The following PIEZO2 variants were observed in gnomAD, a reference collection of about 807,000 sequenced individuals.
The protein encoded by PIEZO2 is piezo type mechanosensitive ion channel component 2.
In PIEZO2, 172 loss-of-function variants were observed where a neutral mutation model predicts 337.3. That is an observed-to-expected ratio of 0.51 (90% confidence interval 0.45 to 0.58). PIEZO2 has a LOEUF of 0.58. Ranked by LOEUF, PIEZO2 falls within the 20% of genes least tolerant of loss-of-function variation. PIEZO2 has a pLI of 0.00. For missense variants in PIEZO2, 3,028 were observed against 3,391.3 expected (o/e 0.89, Z 2.66); for synonymous variants, 1,251 against 1,228.5 (o/e 1.02, Z -0.38).
At chr18:10,796,241 G>T (rs1461223741) in intron 12 of PIEZO2, among the ~76,000 whole-genome samples, 1 of 151,920 alleles carries the variant, frequency 6.6e-6, no homozygotes, top group Non-Finnish European at 1.5e-5. Flanking sequence ...GTGGTGGCAG[G>T]CGCCTGTAGT....
At chr18:11,030,269 TTCC>T (rs2036682932) in intron 2 of PIEZO2, among the ~76,000 whole-genome samples, 1 of 152,226 alleles carries the variant, frequency 6.6e-6, no homozygotes, top group African/African-American at 2.4e-5. Context: ...GTGAAATTTA[TTCC>T]TCAATTATAA....
chr18:10,926,821 G>A (rs2031767784), intron 3 of PIEZO2, among the ~76,000 whole-genome samples: 1 of 152,156 alleles, frequency 6.6e-6, no homozygotes, highest in African/African-American at 2.4e-5. Flanking sequence ...ATTCTCAACA[G>A]CAAGGACTTA....
In PIEZO2 at chr18:10,677,713, A is replaced by C. The variant is rs775177717; in HGVS notation, c.8081+34T>G. The C allele has an allele frequency of 6.3e-7, 1 of 1,599,032 alleles. No individual in the cohort carries two copies. Among genetic ancestry groups the C allele is most frequent in the Admixed American group, 1.8e-5 (1 of 55,954 alleles). Reference sequence around the variant, plus strand: ...ATTTTGTACCAGCTGCATATACCTAACAAAGCTCTATTAGTAGGAAAAAAT... The same window carrying C: ...ATTTTGTACCAGCTGCATATACCTACCAAAGCTCTATTAGTAGGAAAAAAT... On this transcript the variant is annotated intron_variant, in intron 53 of 55. Transcript: ENST00000674853. This position sits in a 1 kb window ranked among gnomAD's most constrained non-coding sequence, Gnocchi z 4.1.
intron 18 of PIEZO2, among the ~76,000 whole-genome samples, chr18:10,774,398 T>C (rs1320864815): frequency 6.6e-6 from 1 of 152,222 alleles, no homozygotes; most frequent in Non-Finnish European, 1.5e-5. Context: ...CTTGAAAGAA[T>C]GTGTGCTTTC....
In PIEZO2 at chr18:10,879,642, G is replaced by A. The variant is rs562394536; in HGVS notation, c.330-8227C>T. Among the ~76,000 whole-genome samples the A allele has an allele frequency of 5.9e-5, 9 of 152,046 alleles. No individual in the cohort carries two copies. The South Asian group carries it at 6.2e-4, about 11-fold the overall frequency. The stretch of plus-strand genomic sequence containing the variant: ...GATCTCCTGACCTCATGATCTGCCC[G>A]CCTCGGCCTCCCAAAGTGCTGGGAT... On this transcript the variant is annotated intron_variant, in intron 4 of 55. Transcript: ENST00000674853.
chr18:10,838,898 A>G (rs1317195724), intron 7 of PIEZO2, among the ~76,000 whole-genome samples: 1 of 152,208 alleles, frequency 6.6e-6, no homozygotes, highest in Non-Finnish European at 1.5e-5. Flanking sequence ...CTCCCTATCA[A>G]GAAGCCCAAG....
In PIEZO2 at chr18:10,895,933, G is replaced by A. The variant is rs1267609257; in HGVS notation, c.329+15253C>T. On this transcript the variant is annotated intron_variant, in intron 4 of 55. Coordinates refer to ENST00000674853, the MANE Select transcript of PIEZO2 (RefSeq NM_001378183.1). The surrounding 1 kb of genome is among the most constrained non-coding windows in gnomAD (Gnocchi z 4.8). ...AAATTACCCGGGCGTGGTGGCGTGTGCCTGTAATCCCAGCTACTTGGGAGG... is the reference window on the plus strand; with the variant it reads ...AAATTACCCGGGCGTGGTGGCGTGTACCTGTAATCCCAGCTACTTGGGAGG... 6.6e-6 allele frequency among the ~76,000 whole-genome samples: 1 copy of A among 151,630 alleles called. No individual in the cohort carries two copies. The highest frequency in any genetic ancestry group is 1.9e-4 in the East Asian group (1 of 5,154).
chr18:10,948,271 A>C (rs1332582848), intron 3 of PIEZO2, among the ~76,000 whole-genome samples: 1 of 152,214 alleles, frequency 6.6e-6, no homozygotes, highest in Non-Finnish European at 1.5e-5. Flanking sequence ...ATAATCATGT[A>C]TGTGATTGAA....
At chr18:10,697,617 C>T (rs1235813095) in intron 45 of PIEZO2, 131 bp downstream of exon 45, 1 of 1,220,260 alleles carries the variant, frequency 8.2e-7, no homozygotes, top group Non-Finnish European at 1.1e-6. Flanking sequence ...GGGGTAATTT[C>T]ATTCTGCCTT....
chr18:10,731,857 C>A (rs534965245), intron 35 of PIEZO2, among the ~76,000 whole-genome samples: 7 of 152,246 alleles, frequency 4.6e-5, no homozygotes, highest in African/African-American at 1.7e-4. Flanking sequence ...AGCTGGAAGT[C>A]TCATTCAGTA....
At chr18:10,747,947 C>A (rs1004457613) in intron 30 of PIEZO2, among the ~76,000 whole-genome samples, 1 of 151,976 alleles carries the variant, frequency 6.6e-6, no homozygotes, top group African/African-American at 2.4e-5. Flanking sequence ...TCGACACCCA[C>A]CCCCACCTCA....
intron 17 of PIEZO2, 129 bp from the exon 18 acceptor site, chr18:10,780,495 C>A: frequency 1.6e-6 from 1 of 634,460 alleles, no homozygotes; most frequent in Non-Finnish European, 2.9e-6. Flanking sequence ...TGTAGCCACC[C>A]TCACAGGCTT....
rs1443476681 is a variant in PIEZO2, at chr18:11,001,695, T to C, written c.161-22035A>G. On this transcript the variant is annotated intron_variant, in intron 2 of 55. Transcript: ENST00000674853. The surrounding 1 kb of genome is among the most constrained non-coding windows in gnomAD (Gnocchi z 5.3). ...GAGTTCGAGACCAACCTGGCTAACATGGTAAAACCCTGTCTCTGCTAAAAA... is the reference window on the plus strand; with the variant it reads ...GAGTTCGAGACCAACCTGGCTAACACGGTAAAACCCTGTCTCTGCTAAAAA... Among the ~76,000 whole-genome samples, 1 of 151,880 alleles carries C rather than the reference T, an allele frequency of 6.6e-6. No individual in the cohort carries two copies. Among genetic ancestry groups the C allele is most frequent in the Non-Finnish European group, 1.5e-5 (1 of 68,006 alleles).
intron 2 of PIEZO2, among the ~76,000 whole-genome samples, chr18:11,017,342 G>A (rs1274203735): frequency 6.6e-6 from 1 of 152,088 alleles, no homozygotes; most frequent in Non-Finnish European, 1.5e-5. Flanking sequence ...AACCTCTAAT[G>A]TCCCTTACAA....
At chr18:10,916,404 G>A (rs2030966871) in intron 3 of PIEZO2, among the ~76,000 whole-genome samples, 1 of 152,190 alleles carries the variant, frequency 6.6e-6, no homozygotes, top group Non-Finnish European at 1.5e-5. Context: ...AGGCATGGCA[G>A]GCTGCAGGTC....
rs2041068221 is a variant in PIEZO2 at position 10,837,909 on chromosome 18, G to A, written c.917+17444C>T. Among the ~76,000 whole-genome samples, 1 of 152,024 alleles carries A rather than the reference G, an allele frequency of 6.6e-6. No individual in the cohort carries two copies. Among genetic ancestry groups the A allele is most frequent in the Non-Finnish European group, 1.5e-5 (1 of 68,000 alleles). On this transcript the variant is annotated intron_variant, in intron 7 of 55. Transcript: ENST00000674853. The surrounding 1 kb of genome is among the most constrained non-coding windows in gnomAD (Gnocchi z 4.4). ...TGGGATTACTGGTGCCTGCCACCATGCCCGGCTAATTTTTGTATTTTTAGT... is the reference window on the plus strand; with the variant it reads ...TGGGATTACTGGTGCCTGCCACCATACCCGGCTAATTTTTGTATTTTTAGT...
In PIEZO2 at chr18:11,126,750, A is replaced by G. The variant is rs1039471500; in HGVS notation, c.64+21775T>C. 1.3e-5 allele frequency among the ~76,000 whole-genome samples: 2 copies of G among 151,844 alleles called. No homozygotes were observed. Among genetic ancestry groups the G allele is most frequent in the African/African-American group, 4.8e-5 (2 of 41,286 alleles). On this transcript the variant is annotated intron_variant, in intron 1 of 55. Coordinates refer to ENST00000674853, the MANE Select transcript of PIEZO2 (RefSeq NM_001378183.1). This position sits in a 1 kb window ranked among gnomAD's most constrained non-coding sequence, Gnocchi z 4.6. ...AATTTACATTTATTAGATGCTTACT[A>G]TATGCCAGGTACTGTTACACAGTAC...
Position 11,009,381 on chromosome 18 carries a change from T to C in PIEZO2, c.161-29721A>G, listed in dbSNP as rs950767007. On this transcript the variant is annotated intron_variant, in intron 2 of 55. Transcript: ENST00000674853. The surrounding 1 kb of genome is among the most constrained non-coding windows in gnomAD (Gnocchi z 4.6). Reference sequence around the variant, plus strand: ...TTTTTCTGGGGTGGGGGCGAGATCATGGGTACACTGTAAAAGCTCCCTCGG... The same window carrying C: ...TTTTTCTGGGGTGGGGGCGAGATCACGGGTACACTGTAAAAGCTCCCTCGG... Among the ~76,000 whole-genome samples, 1 of 152,152 alleles carries C rather than the reference T, an allele frequency of 6.6e-6. No homozygotes were observed. Among genetic ancestry groups the C allele is most frequent in the Non-Finnish European group, 1.5e-5 (1 of 68,024 alleles).
Position 10,962,013 on chromosome 18 carries a change from G to A in PIEZO2, c.286+17522C>T, listed in dbSNP as rs2033803626. ...AAATTCAGGTGAACTGCTGCACTCT[G>A]TGGGCTCTGTGTAAAGCCATCCAGA... On this transcript the variant is annotated intron_variant, in intron 3 of 55. Coordinates refer to ENST00000674853, the MANE Select transcript of PIEZO2 (RefSeq NM_001378183.1). This position sits in a 1 kb window ranked among gnomAD's most constrained non-coding sequence, Gnocchi z 4.1. Among the ~76,000 whole-genome samples the A allele has an allele frequency of 6.6e-6, 1 of 152,174 alleles. No homozygotes were observed. The highest frequency in any genetic ancestry group is 1.5e-5 in the Non-Finnish European group (1 of 68,026).
Sources: allele counts gnomAD v4.1 joint callset (sites outside exome capture counted in the v4.1 genomes callset), GRCh38; gene constraint gnomAD v4.1.1; non-coding constraint Gnocchi (gnomAD v3.1); transcripts MANE v1.5; gene names NCBI Gene and HGNC (gene_info 2026-07-23, HGNC 2026-07-21).